Variants in MYLK observed in about 807,000 individuals in gnomAD.
The protein encoded by MYLK is myosin light chain kinase.
A neutral mutation model predicts 203.4 loss-of-function variants in MYLK; 106 were observed. The ratio of observed to expected loss-of-function variants is 0.52; its 90% confidence interval spans 0.45 to 0.61. MYLK has a LOEUF of 0.61. Among genes scored for constraint, MYLK ranks in the 20% least tolerant of loss-of-function variants. The pLI is 0.00. For synonymous variants in MYLK, 867 were observed against 959.5 expected (o/e 0.90, Z 1.78); for missense variants, 2,072 against 2,442.3 (o/e 0.85, Z 3.20).
chr3:123,705,731 C>G (rs1434114022), intron 16 of MYLK, among the ~76,000 whole-genome samples: 1 of 152,126 alleles, frequency 6.6e-6, no homozygotes, highest in Non-Finnish European at 1.5e-5. Flanking sequence ...TTGGCTCTGC[C>G]CCCACCCCAC....
chr3:123,802,582 G>A (rs1027924471), intron 3 of MYLK, among the ~76,000 whole-genome samples: 5 of 152,136 alleles, frequency 3.3e-5, no homozygotes, highest in African/African-American at 4.8e-5. Flanking sequence ...AGGGGACAAC[G>A]ACAACAACAA....
At chr3:123,655,377 T>G (rs1296063446) in intron 24 of MYLK, among the ~76,000 whole-genome samples, 1 of 152,200 alleles carries the variant, frequency 6.6e-6, no homozygotes, top group African/African-American at 2.4e-5. Flanking sequence ...GGTGTTGGTA[T>G]TGACTTTCTC....
rs568447162 is a variant in MYLK at position 123,860,635 on chromosome 3, T to G, written c.-127+15924A>C. 2.0e-5 allele frequency among the ~76,000 whole-genome samples: 3 copies of G among 152,326 alleles called. No homozygotes were observed. In the East Asian group the frequency reaches 5.8e-4, roughly 29 times the overall value. On this transcript the variant is annotated intron_variant, in intron 2 of 33. Transcript: ENST00000360304. ...CCTGTCTGAGAATAATTCTTGTGTC[T>G]GAGCCCAAGATGCTGTCACCTTGCC...
Position 123,629,958 on chromosome 3 carries a change from C to G in MYLK, c.4962-332G>C. 4 of 338,822 alleles carry G rather than the reference C, an allele frequency of 1.2e-5. No individual in the cohort carries two copies. Among genetic ancestry groups the G allele is most frequent in the Non-Finnish European group, 1.7e-5 (3 of 176,556 alleles). The allele number at this position is 338,822 out of a possible 1,614,324, so 21.0% of individuals were successfully genotyped here. A position where few individuals can be genotyped will look rare whatever the true frequency, so the allele number is the denominator to read the frequency against. On this transcript the variant is annotated intron_variant, in intron 29 of 33. Transcript: ENST00000360304. This position sits in a 1 kb window ranked among gnomAD's most constrained non-coding sequence, Gnocchi z 4.4. ...TTTCTATTATTCCCCAAAGCCCAGG[C>G]TAGAGCCTTCTCCAAGCCCCTTCCT...
intron 3 of MYLK, among the ~76,000 whole-genome samples, chr3:123,821,245 G>T (rs1342341693): frequency 6.6e-6 from 1 of 151,974 alleles, no homozygotes; most frequent in Non-Finnish European, 1.5e-5. Context: ...TTTATTTTTA[G>T]ATTTTACTGT....
chr3:123,686,711 C>T (rs1327599821), intron 19 of MYLK, among the ~76,000 whole-genome samples: 2 of 152,168 alleles, frequency 1.3e-5, no homozygotes, highest in African/African-American at 4.8e-5. Flanking sequence ...GAAATAACAT[C>T]ACCTCAATAG....
At position 123,707,914 on chromosome 3, in the gene MYLK, T is replaced by C. The variant is rs778497684; in HGVS notation, c.2230A>G (p.Ile744Val). 13 of 1,614,076 alleles carry C rather than the reference T, an allele frequency of 8.1e-6. No individual in the cohort carries two copies. In the South Asian group the frequency reaches 9.9e-5, roughly 12 times the overall value. The change falls in exon 16 of 34, where the codon ATA (isoleucine) becomes GTA (valine). Residue 744 changes from isoleucine to valine, a missense_variant. Coordinates refer to ENST00000360304, the MANE Select transcript of MYLK (RefSeq NM_053025.4). ...ACGGTAGGAAAGGGGTCACCAGCTA[T>C]GGCGCAGGAGATGAGGACACTCTGG... ...LGQSVLISCA[I>V]AGDPFPTVHW...
chr3:123,652,432 G>T (rs776196792), intron 24 of MYLK, among the ~76,000 whole-genome samples: 1 of 152,226 alleles, frequency 6.6e-6, no homozygotes, highest in Non-Finnish European at 1.5e-5. Context: ...AGGATCAGCT[G>T]AGTGCTCAGG....
At chr3:123,807,748 A>G (rs1199917056) in intron 3 of MYLK, among the ~76,000 whole-genome samples, 1 of 152,174 alleles carries the variant, frequency 6.6e-6, no homozygotes, top group Non-Finnish European at 1.5e-5. Flanking sequence ...GAATGTAGTT[A>G]GAGATTGTTC....
intron 3 of MYLK, among the ~76,000 whole-genome samples, chr3:123,794,071 C>T (rs1309061429): frequency 1.3e-5 from 2 of 152,248 alleles, no homozygotes; most frequent in Non-Finnish European, 2.9e-5. Context: ...ACTCCGGTTC[C>T]CAGGGCGATG....
chr3:123,879,635 GTTGT>G (rs1204582595), intron 1 of MYLK, among the ~76,000 whole-genome samples: 1 of 152,066 alleles, frequency 6.6e-6, no homozygotes, highest in Non-Finnish European at 1.5e-5. Context: ...TTTTGTTGTT[GTTGT>G]TTGTTTGTTT....
chr3:123,650,419 GTA>G (rs1473656968), intron 24 of MYLK, among the ~76,000 whole-genome samples: 10 of 152,160 alleles, frequency 6.6e-5, no homozygotes, highest in African/African-American at 2.2e-4. Flanking sequence ...GAGTGTGTGT[GTA>G]TGTGTGTGTG....
chr3:123,831,826 T>TG (rs915460976), intron 2 of MYLK, among the ~76,000 whole-genome samples, 156 bp from the exon 3 acceptor site: 6 of 152,158 alleles, frequency 3.9e-5, no homozygotes, highest in Admixed American at 1.3e-4. Context: ...TATTACCGTG[T>TG]GGGGGGGTTA....
At chr3:123,733,440 G>A (rs1247226603) in intron 10 of MYLK, among the ~76,000 whole-genome samples, 1 of 152,188 alleles carries the variant, frequency 6.6e-6, no homozygotes, top group African/African-American at 2.4e-5. Flanking sequence ...GTAAGAACTA[G>A]GGCCAGGGCC....
intron 11 of MYLK, among the ~76,000 whole-genome samples, chr3:123,726,514 T>C (rs907409770): frequency 6.6e-6 from 1 of 152,202 alleles, no homozygotes; most frequent in African/African-American, 2.4e-5. Flanking sequence ...ATCTCTTTAC[T>C]TGTATAAGCC....
At position 123,646,737 on chromosome 3, in the gene MYLK, G is replaced by A. The variant is rs1407200367; in HGVS notation, c.4619+487C>T. On this transcript the variant is annotated intron_variant, in intron 27 of 33. Coordinates refer to ENST00000360304, the MANE Select transcript of MYLK (RefSeq NM_053025.4). ...AGAGTACAAACAAGAGTAGACCAGG[G>A]GCATGTGGAGACACAGGATGGGACT... Among the ~76,000 whole-genome samples the A allele has an allele frequency of 2.0e-5, 3 of 152,302 alleles. No homozygotes were observed. In the East Asian group the frequency reaches 5.8e-4, roughly 29 times the overall value.
At chr3:123,631,064 G>A (rs773878513) in intron 29 of MYLK, among the ~76,000 whole-genome samples, 5 of 152,164 alleles carry the variant, frequency 3.3e-5, no homozygotes, top group African/African-American at 4.8e-5. Context: ...GTTGCAAATT[G>A]TGTAGCTGTT....
intron 4 of MYLK, among the ~76,000 whole-genome samples, chr3:123,787,721 A>G (rs1283776398): frequency 6.6e-6 from 1 of 152,160 alleles, no homozygotes; most frequent in African/African-American, 2.4e-5. Context: ...AAATCAGGAT[A>G]AAAGCTGCCT....
chr3:123,744,634 T>C (rs562097953), intron 5 of MYLK, among the ~76,000 whole-genome samples: 11 of 152,120 alleles, frequency 7.2e-5, no homozygotes, highest in Non-Finnish European at 1.6e-4. Context: ...TCACAGGACT[T>C]CAAGGTAAAA....
Sources: allele counts gnomAD v4.1 joint callset (sites outside exome capture counted in the v4.1 genomes callset), GRCh38; gene constraint gnomAD v4.1.1; non-coding constraint Gnocchi (gnomAD v3.1); transcripts MANE v1.5; gene names NCBI Gene and HGNC (gene_info 2026-07-23, HGNC 2026-07-21).